ADARB2: variants seen among roughly 807,000 people sequenced by gnomAD.
ADARB2 encodes the protein inactive double-stranded RNA-specific editase B2.
Under a neutral mutation model 62.2 loss-of-function variants are expected in ADARB2, and 25 were observed. The ratio of observed to expected loss-of-function variants is 0.40; its 90% CI spans 0.29 to 0.56. The LOEUF (loss-of-function observed/expected upper bound fraction) is 0.56, where lower values mean the gene tolerates loss of function less well. ADARB2 is among the 20% of genes least tolerant of loss of function. The pLI, the probability that ADARB2 is intolerant of heterozygous loss-of-function variation, is 0.43. For missense variants in ADARB2, 1,071 were observed against 1,077.4 expected (o/e 0.99, Z 0.08); for synonymous variants, 572 against 500.8 (o/e 1.14, Z -1.90).
intron 4 of ADARB2, among the ~76,000 whole-genome samples, chr10:1,266,364 G>C (rs1001650907): frequency 6.6e-6 from 1 of 152,244 alleles, no homozygotes; most frequent in Non-Finnish European, 1.5e-5. Flanking sequence ...AGTTGGCCAA[G>C]CATCCTGCTC....
At chr10:1,302,506 C>T (rs887950810) in intron 3 of ADARB2, among the ~76,000 whole-genome samples, 6 of 152,212 alleles carry the variant, frequency 3.9e-5, no homozygotes, top group Admixed American at 6.5e-5. Flanking sequence ...CCGGGAAGCT[C>T]GAACTGGGTG....
chr10:1,422,763 A>G (rs915818918), intron 1 of ADARB2, among the ~76,000 whole-genome samples: 1 of 152,190 alleles, frequency 6.6e-6, no homozygotes. Flanking sequence ...GGCTGTATAC[A>G]CTGTGCAGAC....
intron 1 of ADARB2, among the ~76,000 whole-genome samples, chr10:1,542,988 C>G (rs925897351): frequency 3.9e-5 from 6 of 152,092 alleles, no homozygotes; most frequent in East Asian, 3.8e-4. Flanking sequence ...TCCGTCCGCC[C>G]GAGCAGATTC....
At chr10:1,273,417 G>A (rs1215086488) in intron 3 of ADARB2, among the ~76,000 whole-genome samples, 1 of 152,144 alleles carries the variant, frequency 6.6e-6, no homozygotes, top group Non-Finnish European at 1.5e-5. Context: ...CCAGCCACTG[G>A]GCCAGGCCCC....
intron 1 of ADARB2, among the ~76,000 whole-genome samples, chr10:1,589,974 G>A (rs1833231113): frequency 6.6e-6 from 1 of 152,248 alleles, no homozygotes. Flanking sequence ...GGCTTCAGCA[G>A]GTGCTCCTCT....
intron 1 of ADARB2, among the ~76,000 whole-genome samples, chr10:1,603,423 A>G (rs113288120): frequency 2.6e-5 from 4 of 152,312 alleles, no homozygotes; most frequent in African/African-American, 9.6e-5. Context: ...CAGCCCTGCT[A>G]CCTGGACAGA....
At chr10:1,441,934 A>G (rs556769516) in intron 1 of ADARB2, among the ~76,000 whole-genome samples, 4 of 152,188 alleles carry the variant, frequency 2.6e-5, no homozygotes, top group South Asian at 2.1e-4. Flanking sequence ...TCCCAAGTAA[A>G]TGTGTGGATA....
intron 1 of ADARB2, among the ~76,000 whole-genome samples, chr10:1,679,401 A>G (rs1397104813): frequency 6.6e-6 from 1 of 152,178 alleles, no homozygotes; most frequent in Admixed American, 6.5e-5. Flanking sequence ...TCAGACACAT[A>G]TCTTTCCAAG....
chr10:1,184,711 TG>T, intron 9 of ADARB2, 149 bp downstream of exon 9: 1 of 910,158 alleles, frequency 1.1e-6, no homozygotes, highest in Non-Finnish European at 1.6e-6. Context: ...GCTGCTGGCC[TG>T]GGCAGCTGGG....
Position 1,287,800 on chromosome 10 carries a change from G to A in ADARB2, c.1078-16731C>T, listed in dbSNP as rs150880216. Among the ~76,000 whole-genome samples, 31 of 152,336 alleles carry A rather than the reference G, an allele frequency of 2.0e-4. No homozygotes were observed. In the East Asian group the frequency reaches 5.2e-3, roughly 26 times the overall value. On this transcript the variant is annotated intron_variant, in intron 3 of 9. Coordinates refer to ENST00000381312, the MANE Select transcript of ADARB2 (RefSeq NM_018702.4). ...GTCTGAGGCAACAGCACATTCAAAG[G>A]TTAAGTTAGTGTGCTTTGGAGTTAT...
At chr10:1,574,507 G>A (rs544447580) in intron 1 of ADARB2, among the ~76,000 whole-genome samples, 5 of 151,984 alleles carry the variant, frequency 3.3e-5, no homozygotes, top group Admixed American at 1.3e-4. Context: ...TGGAGGCTGG[G>A]TGAACAGACA....
At chr10:1,535,079 C>A (rs1270553224) in intron 1 of ADARB2, 3 of 166,830 alleles carry the variant, frequency 1.8e-5, no homozygotes, top group South Asian at 2.1e-4. Flanking sequence ...ACGCAGGCCA[C>A]GCCTCGCCAA....
At chr10:1,502,343 G>A (rs1831777003) in intron 1 of ADARB2, among the ~76,000 whole-genome samples, 1 of 152,202 alleles carries the variant, frequency 6.6e-6, no homozygotes, top group African/African-American at 2.4e-5. Context: ...AGGAAAGAAG[G>A]TTTAGTTCTA....
intron 1 of ADARB2, among the ~76,000 whole-genome samples, chr10:1,483,595 C>T (rs1831503075): frequency 7.3e-6 from 1 of 136,722 alleles, no homozygotes; most frequent in African/African-American, 2.5e-5. Context: ...CTTTCTATCC[C>T]AGAGTATTAT....
chr10:1,464,461 A>G, intron 1 of ADARB2, among the ~76,000 whole-genome samples: 1 of 101,056 alleles, frequency 9.9e-6, no homozygotes, highest in African/African-American at 3.6e-5. Context: ...AAGAGGGTGG[A>G]CACACACTCC....
At chr10:1,362,406 C>T (rs1183023847) in intron 3 of ADARB2, among the ~76,000 whole-genome samples, 2 of 152,252 alleles carry the variant, frequency 1.3e-5, no homozygotes, top group African/African-American at 2.4e-5. Flanking sequence ...AGAACCTGGA[C>T]ACCTCCAACC....
At chr10:1,395,550 C>G (rs1588243066) in intron 1 of ADARB2, among the ~76,000 whole-genome samples, 1 of 152,232 alleles carries the variant, frequency 6.6e-6, no homozygotes. Flanking sequence ...CACTTCTCCC[C>G]AGCGGGGCGT....
chr10:1,421,742 T>G (rs1161211682), intron 1 of ADARB2, among the ~76,000 whole-genome samples: 1 of 152,150 alleles, frequency 6.6e-6, no homozygotes, highest in Non-Finnish European at 1.5e-5. Flanking sequence ...TTCACCCCAT[T>G]GCCTCCTAAA....
chr10:1,547,319 A>G (rs1042575811), intron 1 of ADARB2, among the ~76,000 whole-genome samples: 149 of 59,374 alleles, frequency 2.5e-3, no homozygotes, highest in Middle Eastern at 8.9e-3. Context: ...GTGTTGGGGG[A>G]GAGAGAGGCT....
Sources: allele counts gnomAD v4.1 joint callset (sites outside exome capture counted in the v4.1 genomes callset), GRCh38; gene constraint gnomAD v4.1.1; transcripts MANE v1.5; gene names NCBI Gene and HGNC (gene_info 2026-07-23, HGNC 2026-07-21).